The following GPHN variants were observed in gnomAD, a reference collection of about 807,000 sequenced individuals.
GPHN encodes gephyrin.
Under a neutral mutation model 95.5 loss-of-function variants are expected in GPHN, and 17 were observed. That is an observed-to-expected ratio of 0.18 (90% CI 0.12 to 0.27). The LOEUF (loss-of-function observed/expected upper bound fraction) is 0.27. GPHN is among the 10% of genes least tolerant of loss of function. The pLI is 1.00. For missense variants in GPHN, 660 were observed against 978.1 expected (o/e 0.67, Z 4.34); for synonymous variants, 320 against 322.5 (o/e 0.99, Z 0.08).
chr14:67,386,792 G>A, the GPHN span, among the ~76,000 whole-genome samples: 1 of 152,142 alleles, frequency 6.6e-6, no homozygotes, highest in Non-Finnish European at 1.5e-5. Context: ...ATTTATGCAG[G>A]CTTGTTTTCT....
At chr14:66,682,579 G>A (rs1347176833) in intron 2 of GPHN, among the ~76,000 whole-genome samples, 4 of 151,610 alleles carry the variant, frequency 2.6e-5, no homozygotes, top group Admixed American at 1.3e-4. Context: ...GTGAAACCCC[G>A]TCCCTACAAA....
chr14:66,661,065 C>T (rs770266190), intron 1 of GPHN, among the ~76,000 whole-genome samples: 1 of 152,152 alleles, frequency 6.6e-6, no homozygotes, highest in Non-Finnish European at 1.5e-5. Flanking sequence ...CTCTAGTATC[C>T]CTAACAAAGG....
intron 11 of GPHN, among the ~76,000 whole-genome samples, chr14:67,071,642 T>C (rs1054239379): frequency 3.3e-5 from 5 of 151,832 alleles, no homozygotes. Context: ...TAATAAAAAA[T>C]TTAAATTTAA....
At chr14:66,706,372 A>G (rs2069082631) in intron 2 of GPHN, among the ~76,000 whole-genome samples, 1 of 152,228 alleles carries the variant, frequency 6.6e-6, no homozygotes. Context: ...CTAACCAAAA[A>G]GAACAAAGCT....
At chr14:67,159,301 A>G (rs2081823148) in intron 18 of GPHN, 114 bp from the exon 19 acceptor site, 1 of 765,298 alleles carries the variant, frequency 1.3e-6, no homozygotes, top group Non-Finnish European at 2.3e-6. Context: ...CTCCATTAAA[A>G]TAAGAAAGAT....
the GPHN span, among the ~76,000 whole-genome samples, chr14:67,238,604 C>G: frequency 6.6e-6 from 1 of 151,962 alleles, no homozygotes; most frequent in Non-Finnish European, 1.5e-5. Context: ...GCTGTAGGAT[C>G]TGCCCTCTTT....
chr14:67,044,824 G>A (rs61989648), intron 10 of GPHN, among the ~76,000 whole-genome samples: 1 of 150,464 alleles, frequency 6.6e-6, no homozygotes, highest in African/African-American at 2.4e-5. Context: ...TCTCGTCTCT[G>A]TCTCTCTGTT....
chr14:67,562,311 A>G, the GPHN span: 5 of 1,613,744 alleles, frequency 3.1e-6, no homozygotes, highest in Non-Finnish European at 3.4e-6. Context: ...CAGAGCAAGG[A>G]CTCTGTTTCT....
At chr14:66,654,985 A>G (rs189607500) in intron 1 of GPHN, among the ~76,000 whole-genome samples, 5 of 152,038 alleles carry the variant, frequency 3.3e-5, no homozygotes, top group South Asian at 4.1e-4. Context: ...TTATATGTTT[A>G]TCTTTCTGGC....
intron 5 of GPHN, among the ~76,000 whole-genome samples, chr14:66,901,100 A>T (rs117914374): frequency 6.6e-6 from 1 of 151,986 alleles, no homozygotes; most frequent in Non-Finnish European, 1.5e-5. Context: ...GAGTAAAATG[A>T]TATCTAATTG....
chr14:66,950,289 C>T (rs1022609790), intron 8 of GPHN, among the ~76,000 whole-genome samples: 4 of 152,150 alleles, frequency 2.6e-5, no homozygotes, highest in Non-Finnish European at 4.4e-5. Context: ...TAACTCACTA[C>T]AAATTCTACT....
At chr14:67,121,861 G>T (rs1355209961) in intron 16 of GPHN, among the ~76,000 whole-genome samples, 1 of 152,096 alleles carries the variant, frequency 6.6e-6, no homozygotes, top group Non-Finnish European at 1.5e-5. Context: ...TCAGACTTAA[G>T]GATATCATGT....
At chr14:67,659,708 CAAACA>C in the GPHN span, 20 of 1,552,556 alleles carry the variant, frequency 1.3e-5, no homozygotes, top group Admixed American at 2.0e-5. Flanking sequence ...AAAAAAAAAA[CAAACA>C]AAACAGCTAA....
intron 9 of GPHN, among the ~76,000 whole-genome samples, chr14:66,978,749 T>G (rs989926490): frequency 6.6e-6 from 1 of 152,232 alleles, no homozygotes; most frequent in Admixed American, 6.5e-5. Context: ...GAATGGCATC[T>G]AAAATAATGA....
intron 4 of GPHN, among the ~76,000 whole-genome samples, chr14:66,830,316 A>G (rs534077837): frequency 6.6e-6 from 1 of 152,226 alleles, no homozygotes; most frequent in African/African-American, 2.4e-5. Flanking sequence ...GCCATATTGA[A>G]GTGTATTGCC....
chr14:66,541,502 A>G (rs1178682977), intron 1 of GPHN, among the ~76,000 whole-genome samples: 1 of 152,226 alleles, frequency 6.6e-6, no homozygotes, highest in Non-Finnish European at 1.5e-5. Context: ...AAAAATACCT[A>G]TGAAGAAGGT....
the GPHN span, chr14:67,542,022 C>T: frequency 3.2e-6 from 5 of 1,568,028 alleles, no homozygotes; most frequent in South Asian, 1.2e-5. Flanking sequence ...GGAGCTGCCT[C>T]TCCACACGCA....
the GPHN span, chr14:67,586,124 C>A: frequency 6.2e-7 from 1 of 1,611,956 alleles, no homozygotes; most frequent in Non-Finnish European, 8.5e-7. Flanking sequence ...TTAAAACGTT[C>A]TACTCTGGCA....
intron 4 of GPHN, among the ~76,000 whole-genome samples, chr14:66,850,752 T>A (rs1371108865): frequency 1.3e-5 from 2 of 152,054 alleles, no homozygotes. Flanking sequence ...CCTCATGACA[T>A]AATATCGAGT....
Sources: gnomAD v4.1 joint callset for allele counts (sites outside exome capture counted in the v4.1 genomes callset) on GRCh38, gnomAD v4.1.1 for gene constraint, MANE v1.5 for transcripts, NCBI Gene and HGNC (gene_info 2026-07-23, HGNC 2026-07-21) for gene names.